The following HNRNPM variants were observed in gnomAD, a reference collection of about 807,000 sequenced individuals.
The protein encoded by HNRNPM is CEA receptor.
In HNRNPM, 11 loss-of-function variants were observed where a neutral mutation model predicts 73.1. That is an observed-to-expected ratio of 0.15 (90% CI 0.09 to 0.25). The LOEUF (loss-of-function observed/expected upper bound fraction) is 0.25, where lower values mean the gene tolerates loss of function less well. Among genes scored for constraint, HNRNPM ranks in the 10% least tolerant of loss-of-function variants. The pLI is 1.00. For missense variants in HNRNPM, 789 were observed against 1,067.9 expected, an observed-to-expected ratio of 0.74 and a Z score of 3.64; for synonymous variants, 407 against 355.2, an observed-to-expected ratio of 1.15 and a Z score of -1.64.
At chr19:8,445,857 G>A (rs1412687891) in intron 1 of HNRNPM, among the ~76,000 whole-genome samples, 3 of 152,260 alleles carry the variant, frequency 2.0e-5, no homozygotes, top group Non-Finnish European at 2.9e-5. Context: ...AGTCGGGGGA[G>A]GAATCCCCTT....
chr19:8,470,144 G>A lies in HNRNPM; in HGVS notation c.896-1182G>A, dbSNP rs570686883. On this transcript the variant is annotated intron_variant, in intron 9 of 15. Coordinates refer to ENST00000325495, the MANE Select transcript of HNRNPM (RefSeq NM_005968.5). ...TGTTATCCATGGCTCTTGGTCTCCC[G>A]GCCATTTCGGAGGCTTGACTTCAAA... Among the ~76,000 whole-genome samples, 9 of 152,286 alleles carry A rather than the reference G, an allele frequency of 5.9e-5. No individual in the cohort carries two copies. The South Asian group carries it at 6.2e-4, about 11-fold the overall frequency.
chr19:8,446,076 A>C (rs1968162270), intron 1 of HNRNPM, among the ~76,000 whole-genome samples: 1 of 152,230 alleles, frequency 6.6e-6, no homozygotes, highest in South Asian at 2.1e-4. Flanking sequence ...TGGCTCCAAG[A>C]TCAGCGGCCG....
intron 8 of HNRNPM, 86 bp from the exon 9 acceptor site, chr19:8,468,688 C>G: frequency 1.0e-6 from 1 of 1,000,326 alleles, no homozygotes. Context: ...CTGGTCCTCT[C>G]TTGATGGGGG....
At chr19:8,452,080 T>C (rs1476630338) in intron 1 of HNRNPM, among the ~76,000 whole-genome samples, 3 of 152,302 alleles carry the variant, frequency 2.0e-5, no homozygotes, top group Admixed American at 6.5e-5. Context: ...GTGAGTCATG[T>C]GATGTGGATT....
At chr19:8,480,205 G>A (rs1448048649) in intron 12 of HNRNPM, among the ~76,000 whole-genome samples, 2 of 149,946 alleles carry the variant, frequency 1.3e-5, no homozygotes, top group Non-Finnish European at 3.0e-5. Context: ...GTGAAACCCC[G>A]TCTCTACTAA....
chr19:8,455,938 T>C (rs1355199918), intron 2 of HNRNPM, among the ~76,000 whole-genome samples: 1 of 94,506 alleles, frequency 1.1e-5, no homozygotes, highest in Non-Finnish European at 2.4e-5. Context: ...ATTTTTCCTT[T>C]CTTTCCTTTT....
At chr19:8,466,189 T>C in intron 6 of HNRNPM, 46 bp from the exon 7 acceptor site, 1 of 1,565,240 alleles carries the variant, frequency 6.4e-7, no homozygotes, top group Non-Finnish European at 8.7e-7. Flanking sequence ...GTTGTGTTTC[T>C]TAAGATGTTT....
At position 8,468,692 on chromosome 19, in the gene HNRNPM, A is replaced by T. The variant is rs114713148; in HGVS notation, c.835-82A>T. 2.7e-4 allele frequency: 278 copies of T among 1,025,532 alleles called. 2 individuals are homozygous for T. The African/African-American group carries it at 4.0e-3, about 15-fold the overall frequency. 63.5% of individuals were successfully genotyped at this position (1,025,532 alleles called of 1,614,324 possible). On this transcript the variant is annotated intron_variant, in intron 8 of 15. Coordinates refer to ENST00000325495, the MANE Select transcript of HNRNPM (RefSeq NM_005968.5). ...AATGTGTTTAGCTGGTCCTCTCTTGATGGGGGGCCATTTCAGTCTTTTGCT... is the reference window on the plus strand; with the variant it reads ...AATGTGTTTAGCTGGTCCTCTCTTGTTGGGGGGCCATTTCAGTCTTTTGCT...
intron 1 of HNRNPM, among the ~76,000 whole-genome samples, chr19:8,450,948 C>T (rs1028425821): frequency 3.3e-5 from 5 of 151,874 alleles, no homozygotes; most frequent in Non-Finnish European, 7.4e-5. Flanking sequence ...CTCTTGTCGC[C>T]CAGGCTGGAG....
intron 12 of HNRNPM, among the ~76,000 whole-genome samples, chr19:8,477,809 A>G (rs140871141): frequency 2.6e-5 from 4 of 152,112 alleles, no homozygotes; most frequent in African/African-American, 7.3e-5. Context: ...ATGCACACGC[A>G]TTTCTGTGTT....
intron 8 of HNRNPM, 45 bp downstream of exon 8, chr19:8,467,629 A>G: frequency 7.4e-7 from 1 of 1,349,522 alleles, no homozygotes; most frequent in Non-Finnish European, 1.1e-6. Flanking sequence ...AAGTCTAGCA[A>G]AAACATGGAA....
At chr19:8,451,415 TC>T (rs1397865282) in intron 1 of HNRNPM, among the ~76,000 whole-genome samples, 1 of 152,090 alleles carries the variant, frequency 6.6e-6, no homozygotes, top group Non-Finnish European at 1.5e-5. Context: ...AGAAGAATCT[TC>T]CCCTAATTTT....
chr19:8,455,073 T>A (rs1968911522), intron 1 of HNRNPM, among the ~76,000 whole-genome samples: 1 of 152,102 alleles, frequency 6.6e-6, no homozygotes, highest in South Asian at 2.1e-4. Context: ...CTCCCGAGTT[T>A]AAGTGATCCT....
Position 8,462,475 on chromosome 19 carries a change from G to C in HNRNPM, c.284-54G>C. The C allele has an allele frequency of 1.3e-6, 2 of 1,482,744 alleles. No individual in the cohort carries two copies. Among genetic ancestry groups the C allele is most frequent in the Non-Finnish European group, 1.9e-6 (2 of 1,060,318 alleles). 91.8% of individuals were successfully genotyped at this position (1,482,744 alleles called of 1,614,324 possible). On this transcript the variant is annotated intron_variant, in intron 2 of 15. Coordinates refer to ENST00000325495, the MANE Select transcript of HNRNPM (RefSeq NM_005968.5). This position sits in a 1 kb window ranked among gnomAD's most constrained non-coding sequence, Gnocchi z 4.5. ...CTGATGATTGTTCTAAATTCCCATT[G>C]TTTTCTTGGCTTTTCTCCCTTGGTT...
intron 12 of HNRNPM, chr19:8,482,748 G>C (rs1166330505): frequency 6.2e-6 from 1 of 161,556 alleles, no homozygotes; most frequent in Non-Finnish European, 1.3e-5. Context: ...GCTGGGGTGG[G>C]GGTGGGGGCT....
intron 1 of HNRNPM, among the ~76,000 whole-genome samples, chr19:8,449,269 A>G (rs1325777820): frequency 6.6e-6 from 1 of 152,122 alleles, no homozygotes; most frequent in Non-Finnish European, 1.5e-5. Flanking sequence ...GCCTGCAAAG[A>G]TTAGCTTGCT....
chr19:8,462,297 A>G lies in HNRNPM; in HGVS notation c.284-232A>G. ...GGAAATTGATACGGAAATCTGTGGA[A>G]TAGCTTGTTTGTGGTGGGAGGAAAA... On this transcript the variant is annotated intron_variant, in intron 2 of 15. Transcript: ENST00000325495. This position sits in a 1 kb window ranked among gnomAD's most constrained non-coding sequence, Gnocchi z 4.5. The G allele has an allele frequency of 4.1e-6, 2 of 488,300 alleles. No homozygotes were observed. Among genetic ancestry groups the G allele is most frequent in the Non-Finnish European group, 7.5e-6 (2 of 266,946 alleles). 30.2% of individuals were successfully genotyped at this position (488,300 alleles called of 1,614,324 possible). A position where few individuals can be genotyped will look rare whatever the true frequency, so the allele number is the denominator to read the frequency against.
At chr19:8,467,888 C>T (rs961243751) in intron 8 of HNRNPM, among the ~76,000 whole-genome samples, 19 of 152,020 alleles carry the variant, frequency 1.2e-4, no homozygotes, top group African/African-American at 4.8e-5. Flanking sequence ...ATTAGCCGGG[C>T]GTGGTGGCAC....
chr19:8,465,079 A>G (rs974297527), intron 5 of HNRNPM, among the ~76,000 whole-genome samples: 1 of 151,938 alleles, frequency 6.6e-6, no homozygotes, highest in Non-Finnish European at 1.5e-5. Flanking sequence ...TTTCTTTTTT[A>G]CTTAGTGCAA....
Sources: gnomAD v4.1 joint callset for allele counts (sites outside exome capture counted in the v4.1 genomes callset) on GRCh38, gnomAD v4.1.1 for gene constraint, Gnocchi (gnomAD v3.1) non-coding constraint, MANE v1.5 for transcripts, NCBI Gene and HGNC (gene_info 2026-07-23, HGNC 2026-07-21) for gene names.